TASP1: variants seen among roughly 807,000 people sequenced by gnomAD.
TASP1 encodes the protein taspase 1.
In TASP1, 16 loss-of-function variants were observed where a neutral mutation model predicts 56.6. The observed-to-expected ratio is 0.28, with a 90% CI of 0.19 to 0.43. TASP1 has a LOEUF of 0.43. Among genes scored for constraint, TASP1 ranks in the 20% least tolerant of loss-of-function variants. The pLI is 1.00. For synonymous variants in TASP1, 179 were observed against 184.2 expected (o/e 0.97, Z 0.23); for missense variants, 393 against 511.6 (o/e 0.77, Z 2.24).
At chr20:13,299,034 T>C in the TASP1 span, 2 of 1,613,796 alleles carry the variant, frequency 1.2e-6, no homozygotes, top group Non-Finnish European at 1.7e-6. This position sits in a 1 kb window ranked among gnomAD's most constrained non-coding sequence, Gnocchi z 5.8. Flanking sequence ...CAGCTGCCCC[T>C]GCTCCTACCC....
the TASP1 span, among the ~76,000 whole-genome samples, chr20:13,177,349 C>T: frequency 6.6e-6 from 1 of 152,072 alleles, no homozygotes; most frequent in Non-Finnish European, 1.5e-5. Context: ...TCAAAGGAAT[C>T]TACAGAGTCA....
At chr20:13,240,913 T>C in the TASP1 span, among the ~76,000 whole-genome samples, 1 of 152,092 alleles carries the variant, frequency 6.6e-6, no homozygotes, top group Non-Finnish European at 1.5e-5. Flanking sequence ...ATATGGGACA[T>C]GTGGAATATG....
At chr20:13,146,718 T>A in the TASP1 span, among the ~76,000 whole-genome samples, 5 of 152,278 alleles carry the variant, frequency 3.3e-5, no homozygotes, top group East Asian at 1.9e-4. Context: ...TGTCAGAAAT[T>A]TTTCATCTTC....
At chr20:13,366,755 C>T in the TASP1 span, among the ~76,000 whole-genome samples, 1 of 152,172 alleles carries the variant, frequency 6.6e-6, no homozygotes, top group Non-Finnish European at 1.5e-5. Context: ...CTCTCTCCGA[C>T]AAAAGATGGG....
chr20:13,139,682 G>A, the TASP1 span, among the ~76,000 whole-genome samples: 1 of 152,176 alleles, frequency 6.6e-6, no homozygotes, highest in Admixed American at 6.5e-5. Flanking sequence ...AGTTAACTAT[G>A]TGCCTAGGAG....
the TASP1 span, among the ~76,000 whole-genome samples, chr20:13,163,709 G>A: frequency 6.6e-6 from 1 of 151,834 alleles, no homozygotes; most frequent in Non-Finnish European, 1.5e-5. Flanking sequence ...ATTTCCCAAA[G>A]AGGAAAGTCC....
chr20:13,533,264 C>T (rs146319729), intron 9 of TASP1, among the ~76,000 whole-genome samples: 69 of 152,334 alleles, frequency 4.5e-4, no homozygotes, highest in African/African-American at 1.5e-3. Flanking sequence ...CTTGCAACTA[C>T]TCCGTGAGAA....
chr20:13,557,816 C>G (rs1375651023), intron 8 of TASP1, among the ~76,000 whole-genome samples: 1 of 151,830 alleles, frequency 6.6e-6, no homozygotes, highest in Non-Finnish European at 1.5e-5. Flanking sequence ...AGTAATCCAC[C>G]CACCTCAGCC....
chr20:13,562,338 T>C (rs1334536887), intron 7 of TASP1, among the ~76,000 whole-genome samples: 1 of 151,792 alleles, frequency 6.6e-6, no homozygotes, highest in African/African-American at 2.4e-5. Flanking sequence ...GCTTTAAAAC[T>C]TAAGGGACTA....
At chr20:13,548,529 G>A (rs540251899) in intron 8 of TASP1, among the ~76,000 whole-genome samples, 2 of 152,236 alleles carry the variant, frequency 1.3e-5, no homozygotes, top group African/African-American at 4.8e-5. Context: ...GTCCTCTGCT[G>A]GGCAGGGGAA....
intron 11 of TASP1, among the ~76,000 whole-genome samples, chr20:13,441,733 G>T (rs1212962094): frequency 6.6e-6 from 1 of 152,204 alleles, no homozygotes; most frequent in East Asian, 1.9e-4. Flanking sequence ...TAAAGAAGCT[G>T]CTGTGGCAGC....
the TASP1 span, among the ~76,000 whole-genome samples, chr20:13,331,799 G>A: frequency 8.5e-4 from 128 of 150,410 alleles, no homozygotes; most frequent in African/African-American, 2.9e-3. Flanking sequence ...TTTATTTTCC[G>A]TGACACTGGT....
At chr20:13,325,318 T>C in the TASP1 span, among the ~76,000 whole-genome samples, 3 of 152,196 alleles carry the variant, frequency 2.0e-5, no homozygotes, top group East Asian at 5.8e-4. Flanking sequence ...GGGAAGAAAA[T>C]CTGCAACACG....
At chr20:13,581,712 C>T (rs188202109) in intron 5 of TASP1, among the ~76,000 whole-genome samples, 23 of 152,250 alleles carry the variant, frequency 1.5e-4, no homozygotes, top group African/African-American at 4.8e-4. Flanking sequence ...ACACTGATGA[C>T]GACAATGATG....
At chr20:13,209,961 T>C in the TASP1 span, among the ~76,000 whole-genome samples, 6 of 152,314 alleles carry the variant, frequency 3.9e-5, no homozygotes, top group East Asian at 7.7e-4. Flanking sequence ...TGGAGAACAC[T>C]TGCAGTACTC....
intron 11 of TASP1, among the ~76,000 whole-genome samples, chr20:13,461,202 C>T (rs184558162): frequency 1.3e-3 from 194 of 152,262 alleles, no homozygotes; most frequent in African/African-American, 4.5e-3. Context: ...GCTCAAATGT[C>T]ACCTTCTAAG....
chr20:13,628,620 G>C (rs1422555189), intron 2 of TASP1, among the ~76,000 whole-genome samples: 1 of 152,104 alleles, frequency 6.6e-6, no homozygotes, highest in African/African-American at 2.4e-5. Context: ...GGCCAGGCAG[G>C]ACACCAGTCT....
intron 12 of TASP1, among the ~76,000 whole-genome samples, chr20:13,420,957 G>A (rs1035239486): frequency 6.6e-6 from 1 of 151,998 alleles, no homozygotes; most frequent in South Asian, 2.1e-4. Flanking sequence ...CAAAAGACAC[G>A]AAACATCAAA....
Position 13,509,359 on chromosome 20 carries a change from T to C in TASP1, c.874+19074A>G, listed in dbSNP as rs909765260. On this transcript the variant is annotated intron_variant, in intron 10 of 13. Transcript: ENST00000337743. ...TTACCAGGGTGAGGAAATGAGGAGA[T>C]AGTGTCACAGGGTACGAACTTATGG... Among the ~76,000 whole-genome samples, 4 of 152,060 alleles carry C rather than the reference T, an allele frequency of 2.6e-5. No individual in the cohort carries two copies. In the East Asian group the frequency reaches 7.7e-4, roughly 29 times the overall value.
Sources: allele counts gnomAD v4.1 joint callset (sites outside exome capture counted in the v4.1 genomes callset), GRCh38; gene constraint gnomAD v4.1.1; non-coding constraint Gnocchi (gnomAD v3.1); transcripts MANE v1.5; gene names NCBI Gene and HGNC (gene_info 2026-07-23, HGNC 2026-07-21).